Variants in VWA8 observed in about 807,000 individuals in gnomAD.
The protein encoded by VWA8 is von Willebrand factor A domain containing 8, also known as von Willebrand factor A domain-containing protein 8.
Under a neutral mutation model 241.5 loss-of-function variants are expected in VWA8, and 221 were observed. The ratio of observed to expected loss-of-function variants is 0.91; its 90% CI spans 0.82 to 1.02. The LOEUF is 1.02. Ranked by LOEUF, VWA8 falls within the 50% of genes least tolerant of loss-of-function variation. VWA8 has a pLI of 0.00. For synonymous variants in VWA8, 852 were observed against 827.1 expected, an observed-to-expected ratio of 1.03 and a Z score of -0.52; for missense variants, 2,322 against 2,328.7, an observed-to-expected ratio of 1.00 and a Z score of 0.06.
At chr13:41,572,998 G>A (rs1478840940) in intron 43 of VWA8, among the ~76,000 whole-genome samples, 5 of 150,866 alleles carry the variant, frequency 3.3e-5, no homozygotes, top group African/African-American at 9.7e-5. Flanking sequence ...GATCTCAGCT[G>A]CTCGGAGGGC....
chr13:41,868,998 C>A (rs1159540233), intron 9 of VWA8, among the ~76,000 whole-genome samples: 1 of 149,472 alleles, frequency 6.7e-6, no homozygotes, highest in Non-Finnish European at 1.5e-5. Flanking sequence ...TATTAAAGAT[C>A]ATATTAAAAT....
intron 39 of VWA8, among the ~76,000 whole-genome samples, chr13:41,606,883 C>CT (rs2044556789): frequency 2.6e-5 from 4 of 152,174 alleles, no homozygotes; most frequent in African/African-American, 9.7e-5. Flanking sequence ...TGAGCCCTTG[C>CT]ATAAAGCTGG....
intron 4 of VWA8, among the ~76,000 whole-genome samples, chr13:41,903,404 C>G (rs1048674755): frequency 6.6e-6 from 1 of 152,092 alleles, no homozygotes; most frequent in Non-Finnish European, 1.5e-5. Flanking sequence ...CAGTTATATT[C>G]TAGCGGGGGA....
Position 41,791,757 on chromosome 13 carries a change from T to C in VWA8, c.2064-4214A>G, listed in dbSNP as rs139324902. Reference sequence around the variant, plus strand: ...TTGACTGTTGTAAATTATTTTATCATACAAATATATCAATTTATATATTCA... The same window carrying C: ...TTGACTGTTGTAAATTATTTTATCACACAAATATATCAATTTATATATTCA... On this transcript the variant is annotated intron_variant, in intron 17 of 44. Coordinates refer to ENST00000379310, the MANE Select transcript of VWA8 (RefSeq NM_015058.2). 4.5e-4 allele frequency among the ~76,000 whole-genome samples: 69 copies of C among 152,012 alleles called. 1 individual carries two copies. In the East Asian group the frequency reaches 0.012, roughly 26 times the overall value.
rs570372499 is a variant in VWA8 at position 41,943,949 on chromosome 13, A to G, written c.241+5987T>C. ...AAAACCCTGTCTCTACTAAAAAAAT[A>G]CAAAAATTAGCTAGGCAATGTGGCG... is the stretch of plus-strand genomic sequence containing the variant. On this transcript the variant is annotated intron_variant, in intron 2 of 44. Coordinates refer to ENST00000379310, the MANE Select transcript of VWA8 (RefSeq NM_015058.2). Among the ~76,000 whole-genome samples, 4 of 152,116 alleles carry G rather than the reference A, an allele frequency of 2.6e-5. No homozygotes were observed. The East Asian group carries it at 5.8e-4, about 22-fold the overall frequency.
chr13:41,933,784 C>T (rs1230510633), intron 2 of VWA8, among the ~76,000 whole-genome samples: 1 of 151,876 alleles, frequency 6.6e-6, no homozygotes, highest in African/African-American at 2.4e-5. Context: ...TTGACCCATA[C>T]CCTATGCCAC....
chr13:41,859,919 T>C (rs936382300), intron 12 of VWA8, among the ~76,000 whole-genome samples: 2 of 152,216 alleles, frequency 1.3e-5, no homozygotes, highest in Non-Finnish European at 2.9e-5. Flanking sequence ...AGATGGTGTA[T>C]CTACTTTTTC....
chr13:41,759,332 T>C (rs984616856), intron 21 of VWA8, among the ~76,000 whole-genome samples: 1 of 151,588 alleles, frequency 6.6e-6, no homozygotes, highest in Non-Finnish European at 1.5e-5. Context: ...GTAATACGTC[T>C]TTTTTCCTCT....
intron 37 of VWA8, among the ~76,000 whole-genome samples, chr13:41,620,999 G>A (rs1159898443): frequency 1.3e-5 from 2 of 152,110 alleles, no homozygotes; most frequent in East Asian, 3.8e-4. Flanking sequence ...GGTGATCAAA[G>A]TAGGGTTTTC....
chr13:41,885,885 T>C lies in VWA8; in HGVS notation c.975+35A>G, dbSNP rs761665519. 15 of 1,457,226 alleles carry C rather than the reference T, an allele frequency of 1.0e-5. No homozygotes were observed. The East Asian group carries it at 3.5e-4, about 34-fold the overall frequency. 90.3% of individuals were successfully genotyped at this position (1,457,226 alleles called of 1,614,324 possible). A position where few individuals can be genotyped will look rare whatever the true frequency, so the allele number is the denominator to read the frequency against. On this transcript the variant is annotated intron_variant, in intron 8 of 44. Transcript: ENST00000379310. ...ATTAACTTTCAAAATTTTTAACATA[T>C]TTGGGTATGCCAGTCATTAATTTAT...
intron 42 of VWA8, among the ~76,000 whole-genome samples, chr13:41,578,363 G>T (rs1389240763): frequency 1.3e-5 from 2 of 152,086 alleles, no homozygotes; most frequent in African/African-American, 4.8e-5. Context: ...CCAATAAAAC[G>T]CTTGGGAGGA....
At chr13:41,918,851 G>A (rs557839291) in intron 2 of VWA8, among the ~76,000 whole-genome samples, 6 of 151,866 alleles carry the variant, frequency 4.0e-5, no homozygotes, top group Non-Finnish European at 8.8e-5. Context: ...CACTAGATAC[G>A]TTTCACAAAG....
chr13:41,617,839 A>G (rs1421272693), intron 37 of VWA8, among the ~76,000 whole-genome samples: 1 of 152,022 alleles, frequency 6.6e-6, no homozygotes, highest in Non-Finnish European at 1.5e-5. Flanking sequence ...TTATGGCTGC[A>G]TAGTATTCCA....
chr13:41,817,408 A>AT (rs929697417), intron 15 of VWA8, among the ~76,000 whole-genome samples: 1 of 152,218 alleles, frequency 6.6e-6, no homozygotes, highest in African/African-American at 2.4e-5. Flanking sequence ...GCTATAAGCA[A>AT]TTTTTGTTTA....
intron 37 of VWA8, among the ~76,000 whole-genome samples, chr13:41,665,897 G>T (rs2044982582): frequency 6.6e-6 from 1 of 151,988 alleles, no homozygotes; most frequent in African/African-American, 2.4e-5. Flanking sequence ...AAGAGTGAAA[G>T]TAAGATAATA....
intron 12 of VWA8, among the ~76,000 whole-genome samples, chr13:41,847,559 G>C (rs1255675467): frequency 6.6e-6 from 1 of 152,168 alleles, no homozygotes; most frequent in African/African-American, 2.4e-5. Context: ...GGCATGGATT[G>C]GGTCACATAG....
chr13:41,813,851 T>C (rs1292452004), intron 16 of VWA8, among the ~76,000 whole-genome samples: 1 of 152,118 alleles, frequency 6.6e-6, no homozygotes, highest in African/African-American at 2.4e-5. Flanking sequence ...TTAACATTTA[T>C]ATCAAATTTC....
chr13:41,672,624 T>C (rs1263610426), intron 36 of VWA8, among the ~76,000 whole-genome samples: 1 of 152,162 alleles, frequency 6.6e-6, no homozygotes, highest in African/African-American at 2.4e-5. Context: ...CAGTCTGCCT[T>C]AGTTGATACT....
At chr13:41,775,190 A>T (rs948202865) in intron 20 of VWA8, among the ~76,000 whole-genome samples, 1 of 152,212 alleles carries the variant, frequency 6.6e-6, no homozygotes, top group African/African-American at 2.4e-5. Context: ...CTTTTTCACT[A>T]TATAATATAA....
Sources: gnomAD v4.1 joint callset for allele counts (sites outside exome capture counted in the v4.1 genomes callset) on GRCh38, gnomAD v4.1.1 for gene constraint, MANE v1.5 for transcripts, NCBI Gene and HGNC (gene_info 2026-07-23, HGNC 2026-07-21) for gene names.